The following FBXO34 variants were observed in gnomAD, a reference collection of about 807,000 sequenced individuals.
The protein encoded by FBXO34 is F-box protein 34.
Under a neutral mutation model 24.5 loss-of-function variants are expected in FBXO34, and 12 were observed. The observed-to-expected ratio is 0.49, with a 90% confidence interval of 0.31 to 0.79. FBXO34 has a LOEUF of 0.79. FBXO34 is among the 30% of genes least tolerant of loss of function. FBXO34 has a pLI of 0.04. For synonymous variants in FBXO34, 320 were observed against 311.9 expected, an observed-to-expected ratio of 1.03 and a Z score of -0.27; for missense variants, 823 against 857.7, an observed-to-expected ratio of 0.96 and a Z score of 0.51.
At chr14:55,381,164 C>A in the FBXO34 span, among the ~76,000 whole-genome samples, 3 of 152,044 alleles carry the variant, frequency 2.0e-5, no homozygotes, top group East Asian at 3.9e-4. Flanking sequence ...CTACCTTTCT[C>A]CCCTGAGAAG....
At chr14:55,377,638 C>A in the FBXO34 span, among the ~76,000 whole-genome samples, 1 of 151,600 alleles carries the variant, frequency 6.6e-6, no homozygotes, top group Admixed American at 6.6e-5. Flanking sequence ...GACATGATTA[C>A]AAAAAAAACC....
exon 3 of FBXO34, chr14:55,367,174 G>C (rs1238072454): frequency 6.6e-6 from 1 of 152,150 alleles, no homozygotes; most frequent in Non-Finnish European, 1.5e-5. Context: ...GGTTTCATAA[G>C]AGGCTTAAGA....
chr14:55,384,663 A>C, the FBXO34 span, among the ~76,000 whole-genome samples: 2 of 152,252 alleles, frequency 1.3e-5, no homozygotes, highest in Non-Finnish European at 2.9e-5. Flanking sequence ...TAGGAAGCCA[A>C]CTCTGGCAAC....
chr14:55,416,924 A>G, the FBXO34 span, among the ~76,000 whole-genome samples: 5 of 152,236 alleles, frequency 3.3e-5, no homozygotes, highest in Non-Finnish European at 7.3e-5. Flanking sequence ...ACACTTTTAT[A>G]TTAAAAAATC....
chr14:55,297,664 G>A (rs958528686), intron 1 of FBXO34, among the ~76,000 whole-genome samples: 41 of 152,040 alleles, frequency 2.7e-4, no homozygotes, highest in Admixed American at 2.6e-3. Flanking sequence ...AGAACACTTG[G>A]TATCATTACA....
chr14:55,424,127 TTTA>T, the FBXO34 span: 1 of 1,512,982 alleles, frequency 6.6e-7, no homozygotes. Context: ...GCAATTACAT[TTTA>T]TGAGTCAGAA....
chr14:55,397,422 CTT>C, the FBXO34 span: 1 of 1,612,890 alleles, frequency 6.2e-7, no homozygotes. Context: ...ACCTTTCCTT[CTT>C]GTCGATAAAC....
downstream of FBXO34, chr14:55,370,042 A>C: frequency 1.0e-6 from 1 of 961,554 alleles, no homozygotes; most frequent in Non-Finnish European, 1.5e-6. Flanking sequence ...CACCCCATTC[A>C]TTCCCCAAGT....
chr14:55,395,821 G>T, the FBXO34 span: 1 of 594,986 alleles, frequency 1.7e-6, no homozygotes, highest in Non-Finnish European at 2.6e-6. Flanking sequence ...GCTACAAGTG[G>T]ATTAAGTAGA....
At chr14:55,313,870 T>A (rs866050196) in intron 1 of FBXO34, among the ~76,000 whole-genome samples, 11 of 152,140 alleles carry the variant, frequency 7.2e-5, no homozygotes, top group Non-Finnish European at 5.9e-5. Context: ...GAGATTTGGC[T>A]GGGGACACAA....
intron 1 of FBXO34, among the ~76,000 whole-genome samples, chr14:55,314,587 A>G (rs1458715569): frequency 6.6e-6 from 1 of 152,232 alleles, no homozygotes; most frequent in Non-Finnish European, 1.5e-5. Context: ...ATGATTTTGA[A>G]TATCAGACAG....
At chr14:55,432,597 GTTAT>G in the FBXO34 span, among the ~76,000 whole-genome samples, 1 of 152,148 alleles carries the variant, frequency 6.6e-6, no homozygotes, top group Non-Finnish European at 1.5e-5. Flanking sequence ...CTTCTAAAAA[GTTAT>G]TTAATCTCAC....
intron 1 of FBXO34, among the ~76,000 whole-genome samples, chr14:55,283,099 G>A (rs1881615563): frequency 6.6e-6 from 1 of 152,138 alleles, no homozygotes; most frequent in Non-Finnish European, 1.5e-5. Flanking sequence ...TGGATGAAGA[G>A]CTCTACCATC....
intron 1 of FBXO34, among the ~76,000 whole-genome samples, chr14:55,338,048 C>CTTTT (rs58194693): frequency 0.02 from 1,796 of 88,198 alleles, 259 homozygotes; most frequent in African/African-American, 0.04. Flanking sequence ...GTATGTACTT[C>CTTTT]TTTTTTTTTT....
intron 1 of FBXO34, among the ~76,000 whole-genome samples, chr14:55,279,519 G>C (rs1881462150): frequency 6.6e-6 from 1 of 152,170 alleles, no homozygotes; most frequent in Non-Finnish European, 1.5e-5. Context: ...AGAGGTTAAA[G>C]TAAAGATGTA....
the FBXO34 span, among the ~76,000 whole-genome samples, chr14:55,433,435 G>A: frequency 2.0e-5 from 3 of 151,108 alleles, no homozygotes; most frequent in Non-Finnish European, 2.9e-5. Context: ...TTACAGATGT[G>A]AGCCACCATG....
the FBXO34 span, among the ~76,000 whole-genome samples, chr14:55,390,499 A>G: frequency 1.3e-5 from 2 of 151,440 alleles, no homozygotes; most frequent in African/African-American, 4.9e-5. Flanking sequence ...TCAGCCTCCC[A>G]AGTAGCTGGG....
At chr14:55,433,675 G>C in the FBXO34 span, 1 of 1,614,028 alleles carries the variant, frequency 6.2e-7, no homozygotes, top group Non-Finnish European at 8.5e-7. Flanking sequence ...AAATATAAGG[G>C]CTGTTGTCCT....
intron 1 of FBXO34, among the ~76,000 whole-genome samples, 156 bp from the exon 2 acceptor site, chr14:55,350,225 C>CA (rs1441053364): frequency 6.7e-6 from 1 of 150,266 alleles, no homozygotes. Flanking sequence ...TTGATATGTG[C>CA]AGTAAAAACT....
Sources: gnomAD v4.1 joint callset for allele counts (sites outside exome capture counted in the v4.1 genomes callset) on GRCh38, gnomAD v4.1.1 for gene constraint, MANE v1.5 for transcripts, NCBI Gene and HGNC (gene_info 2026-07-23, HGNC 2026-07-21) for gene names.